Variants in VCAN observed in about 807,000 individuals in gnomAD.
VCAN encodes versican core protein.
A neutral mutation model predicts 245.5 loss-of-function variants in VCAN; 44 were observed. That is an observed-to-expected ratio of 0.18 (90% CI 0.14 to 0.23). VCAN has a LOEUF of 0.23. Among genes scored for constraint, VCAN ranks in the 10% least tolerant of loss-of-function variants. The probability of loss-of-function intolerance (pLI) is 1.00; values close to 1 mark genes in which losing one functional copy is unlikely to be tolerated. For synonymous variants in VCAN, 1,413 were observed against 1,437.0 expected, an observed-to-expected ratio of 0.98 and a Z score of 0.38; for missense variants, 3,793 against 4,057.9, an observed-to-expected ratio of 0.93 and a Z score of 1.77.
In VCAN at chr5:83,574,880, A is replaced by G. The variant is rs77649821; in HGVS notation, c.9880+2320A>G. ...TTAAACAAGAAATATTTTAAAAGCGAATTTTTTAAAAGGTGTGTTTATCAT... is the reference window on the plus strand; with the variant it reads ...TTAAACAAGAAATATTTTAAAAGCGGATTTTTTAAAAGGTGTGTTTATCAT... On this transcript the variant is annotated intron_variant, in intron 13 of 14. Transcript: ENST00000265077. 8.5e-3 allele frequency among the ~76,000 whole-genome samples: 1,296 copies of G among 152,280 alleles called. 16 individuals are homozygous for G. Among genetic ancestry groups the G allele is most frequent in the African/African-American group, 0.03 (1,249 of 41,552 alleles).
intron 7 of VCAN, among the ~76,000 whole-genome samples, chr5:83,525,388 T>G (rs974850557): frequency 6.6e-6 from 1 of 152,118 alleles, no homozygotes; most frequent in African/African-American, 2.4e-5. Context: ...GAAGAGTTTC[T>G]TCAACTCCAG....
intron 5 of VCAN, among the ~76,000 whole-genome samples, chr5:83,511,367 T>G (rs954853042): frequency 1.3e-5 from 2 of 151,972 alleles, no homozygotes; most frequent in Non-Finnish European, 2.9e-5. Flanking sequence ...AACAAAGGCT[T>G]TATCCAAAGA....
chr5:83,563,322 A>G (rs959822790), intron 12 of VCAN, among the ~76,000 whole-genome samples: 15 of 152,100 alleles, frequency 9.9e-5, no homozygotes, highest in African/African-American at 3.6e-4. Context: ...CAGGGAAGTC[A>G]TTTGCCCCTA....
In VCAN at chr5:83,538,659, G is replaced by A. The variant is rs145239579; in HGVS notation, c.5656G>A (p.Val1886Ile). Residue 1886 changes from valine to isoleucine, a missense_variant, in exon 8 of 15, where the codon GTT becomes ATT. This residue lies in a region of VCAN where 3,182 missense variants were observed against 3,250.3 expected (regional missense o/e 0.98). Transcript: ENST00000265077. ...TTFSTEPTGL[V>I]LSTVMDRVVA... ...ATTCTCCACTGAGCCAACAGGACTG[G>A]TTTTGAGTACAGTAATGGACAGAGT... is the stretch of plus-strand genomic sequence containing the variant. The A allele has an allele frequency of 1.1e-5, 18 of 1,614,092 alleles. No homozygotes were observed. In the African/African-American group the frequency reaches 2.3e-4, roughly 20 times the overall value.
At chr5:83,519,058 A>G (rs1181627363) in intron 6 of VCAN, among the ~76,000 whole-genome samples, 1 of 152,206 alleles carries the variant, frequency 6.6e-6, no homozygotes, top group Non-Finnish European at 1.5e-5. Flanking sequence ...TTATCTTAAA[A>G]CTACATAATA....
At chr5:83,492,803 AAT>A (rs1745024475) in intron 3 of VCAN, among the ~76,000 whole-genome samples, 1 of 152,240 alleles carries the variant, frequency 6.6e-6, no homozygotes, top group South Asian at 2.1e-4. Flanking sequence ...TCAGGTAAAG[AAT>A]ATGATAAACA....
chr5:83,545,560 C>G lies in VCAN; in HGVS notation c.9289C>G (p.Pro3097Ala), dbSNP rs372945040. 6.2e-7 allele frequency: 1 copy of G among 1,613,936 alleles called. No individual in the cohort carries two copies. The highest frequency in any genetic ancestry group is 1.3e-5 in the African/African-American group (1 of 74,912). The change falls in exon 9 of 15, where the codon CCG becomes GCG. Residue 3097 changes from proline to alanine, a missense_variant. Physicochemically the swap from Pro to Ala is conservative, Grantham distance 27. Coordinates refer to ENST00000265077, the MANE Select transcript of VCAN (RefSeq NM_004385.5). ...AGGACCTGATCGCTGCAAAATGAAC[C>G]CGTGCCTTAACGGAGGCACCTGTTA... ...LPGPDRCKMN[P>A]CLNGGTCYPT... is the part of the protein sequence containing the mutation.
intron 5 of VCAN, among the ~76,000 whole-genome samples, chr5:83,500,343 C>T (rs1205487533): frequency 2.0e-5 from 3 of 152,156 alleles, no homozygotes; most frequent in Non-Finnish European, 4.4e-5. Context: ...ACACACCTTG[C>T]TTGGAGTTGC....
chr5:83,498,957 G>A (rs1745249340), intron 5 of VCAN, among the ~76,000 whole-genome samples: 2 of 152,040 alleles, frequency 1.3e-5, no homozygotes, highest in African/African-American at 4.8e-5. Flanking sequence ...CTGCTCTACT[G>A]CAATCTATTC....
At chr5:83,568,143 T>A (rs1319391885) in intron 12 of VCAN, among the ~76,000 whole-genome samples, 8 of 152,184 alleles carry the variant, frequency 5.3e-5, no homozygotes, top group African/African-American at 1.4e-4. Flanking sequence ...ATTTTTTTTT[T>A]ATATTTTCTC....
chr5:83,576,054 A>C (rs1748461231), intron 13 of VCAN, among the ~76,000 whole-genome samples: 1 of 152,094 alleles, frequency 6.6e-6, no homozygotes, highest in East Asian at 1.9e-4. Flanking sequence ...TTTTCCTTTT[A>C]ATTAACTATT....
chr5:83,511,713 C>T (rs1745665448), intron 5 of VCAN, among the ~76,000 whole-genome samples: 1 of 151,826 alleles, frequency 6.6e-6, no homozygotes, highest in African/African-American at 2.4e-5. Context: ...GTTTCCCTTC[C>T]AATATGCAAT....
intron 5 of VCAN, among the ~76,000 whole-genome samples, chr5:83,502,797 G>A (rs2112374183): frequency 6.6e-6 from 1 of 152,222 alleles, no homozygotes; most frequent in South Asian, 2.1e-4. Context: ...AAAACTCAAA[G>A]CATATGCTTT....
chr5:83,493,772 A>T, intron 4 of VCAN, 32 bp from the exon 5 acceptor site: 1 of 1,614,072 alleles, frequency 6.2e-7, no homozygotes, highest in Non-Finnish European at 8.5e-7. Flanking sequence ...AGTGAGAAGA[A>T]AGTGCCACTA....
intron 6 of VCAN, among the ~76,000 whole-genome samples, chr5:83,518,914 G>C (rs571469905): frequency 1.3e-5 from 2 of 152,256 alleles, no homozygotes. Flanking sequence ...GAGAAAGCTG[G>C]AGACAGGGTA....
Position 83,538,540 on chromosome 5 carries a change from C to T in VCAN, c.5537C>T (p.Thr1846Ile). 6.2e-7 allele frequency: 1 copy of T among 1,614,064 alleles called. No individual in the cohort carries two copies. Among genetic ancestry groups the T allele is most frequent in the South Asian group, 1.1e-5 (1 of 91,086 alleles). Residue 1846 changes from threonine to isoleucine, a missense_variant, in exon 8 of 15, where the codon ACC becomes ATC. Physicochemically the swap from Thr to Ile is moderately conservative, Grantham distance 89. Coordinates refer to ENST00000265077, the MANE Select transcript of VCAN (RefSeq NM_004385.5). ...GSGEAAADPE[T>I]TTVSSFSLNV... ...GGAGAAGCTGCTGCCGACCCAGAAA[C>T]CACCACTGTTTCTTCATTTTCATTA...
intron 5 of VCAN, among the ~76,000 whole-genome samples, chr5:83,497,281 TCTC>T (rs1047048132): frequency 7.2e-5 from 11 of 152,220 alleles, no homozygotes; most frequent in African/African-American, 2.7e-4. Context: ...CCTGTTTTTT[TCTC>T]CTTTCTTGTT....
At chr5:83,550,208 C>T (rs1747406825) in intron 10 of VCAN, among the ~76,000 whole-genome samples, 1 of 152,132 alleles carries the variant, frequency 6.6e-6, no homozygotes. Context: ...GAAAACATTA[C>T]CTGTACAGCA....
chr5:83,490,572 A>T lies in VCAN; in HGVS notation c.445+100A>T, dbSNP rs1445020145. On this transcript the variant is annotated intron_variant, in intron 3 of 14. Transcript: ENST00000265077. ...GAAGTAACTGTTGTTTGGGGTTTGGATGAGCGGAAAAACACCTGTCAATCC... is the reference window on the plus strand; with the variant it reads ...GAAGTAACTGTTGTTTGGGGTTTGGTTGAGCGGAAAAACACCTGTCAATCC... 6 of 1,545,334 alleles carry T rather than the reference A, an allele frequency of 3.9e-6. No individual in the cohort carries two copies. In the Admixed American group the frequency reaches 9.1e-5, roughly 23 times the overall value.
Sources: allele counts gnomAD v4.1 joint callset (sites outside exome capture counted in the v4.1 genomes callset), GRCh38; gene constraint gnomAD v4.1.1; regional missense constraint gnomAD v4.1.1; transcripts MANE v1.5; gene names NCBI Gene and HGNC (gene_info 2026-07-23, HGNC 2026-07-21).